ACYP2: variants seen among roughly 807,000 people sequenced by gnomAD.
ACYP2 encodes the protein acylphosphatase-2.
In ACYP2, 12 loss-of-function variants were observed where a neutral mutation model predicts 11.2. The ratio of observed to expected loss-of-function variants is 1.08; its 90% CI spans 0.69 to 1.74. The LOEUF (loss-of-function observed/expected upper bound fraction) is 1.74, where lower values mean the gene tolerates loss of function less well. ACYP2 is among the 40% of genes most tolerant of loss of function. ACYP2 has a pLI of 0.00. For synonymous variants in ACYP2, 43 were observed against 32.2 expected (o/e 1.33, Z -1.13); for missense variants, 134 against 101.9 (o/e 1.31, Z -1.35).
At chr2:54,242,392 T>A (rs1253477233) in intron 6 of ACYP2, among the ~76,000 whole-genome samples, 2 of 152,244 alleles carry the variant, frequency 1.3e-5, no homozygotes, top group Non-Finnish European at 2.9e-5. Flanking sequence ...CACCTTGTCA[T>A]TGTGGTTATT....
intron 6 of ACYP2, among the ~76,000 whole-genome samples, chr2:54,251,197 C>T (rs987477029): frequency 3.9e-5 from 6 of 152,182 alleles, no homozygotes; most frequent in African/African-American, 1.4e-4. Flanking sequence ...CTAGATAATT[C>T]AGTGTTTCTA....
intron 4 of ACYP2, among the ~76,000 whole-genome samples, chr2:54,063,616 C>T (rs1676581464): frequency 6.6e-6 from 1 of 152,224 alleles, no homozygotes; most frequent in South Asian, 2.1e-4. Flanking sequence ...CTGAAGGCCA[C>T]AGCTATTCTT....
At chr2:54,097,586 A>G (rs1678658647) in intron 4 of ACYP2, among the ~76,000 whole-genome samples, 1 of 152,094 alleles carries the variant, frequency 6.6e-6, no homozygotes, top group African/African-American at 2.4e-5. Context: ...TTTCAAGCAT[A>G]CATGAAAGGA....
chr2:54,093,281 T>G (rs942734963), intron 4 of ACYP2, among the ~76,000 whole-genome samples: 3 of 152,100 alleles, frequency 2.0e-5, no homozygotes, highest in Admixed American at 2.0e-4. Flanking sequence ...TTCTCTAGAG[T>G]TACACAGACA....
At chr2:54,130,376 G>A (rs1176148607) in intron 4 of ACYP2, among the ~76,000 whole-genome samples, 2 of 152,162 alleles carry the variant, frequency 1.3e-5, no homozygotes, top group African/African-American at 2.4e-5. Flanking sequence ...GAGTAAAGAG[G>A]AGAGAAGTAG....
rs543236804 is a variant in ACYP2, at chr2:54,285,361, G to A, written c.405-19327G>A. ...GCTCCATCTTCTCAGCCTATTCTGT[G>A]GGATGCTCCTCTTGCTGACCACTTC... On this transcript the variant is annotated intron_variant, in intron 6 of 6. Coordinates refer to ENST00000607452, the MANE Select transcript of ACYP2 (RefSeq NM_001320586.2). Among the ~76,000 whole-genome samples the A allele has an allele frequency of 3.9e-5, 6 of 152,260 alleles. 1 individual carries two copies. Among genetic ancestry groups the A allele is most frequent in the African/African-American group, 1.4e-4 (6 of 41,556 alleles).
chr2:54,020,254 T>C (rs994301216), intron 2 of ACYP2, among the ~76,000 whole-genome samples: 3 of 152,216 alleles, frequency 2.0e-5, no homozygotes, highest in Non-Finnish European at 2.9e-5. Flanking sequence ...TGCTTCTTAA[T>C]CAGAATACAG....
chr2:54,280,533 CA>C (rs1257573099), intron 6 of ACYP2, among the ~76,000 whole-genome samples: 1 of 151,946 alleles, frequency 6.6e-6, no homozygotes, highest in Non-Finnish European at 1.5e-5. Flanking sequence ...TAGAGATCAC[CA>C]AAAGGATTGA....
intron 6 of ACYP2, among the ~76,000 whole-genome samples, chr2:54,143,994 A>T (rs554723783): frequency 6.6e-6 from 1 of 151,642 alleles, no homozygotes; most frequent in Admixed American, 6.6e-5. Context: ...TTTTGAGAAA[A>T]CGTTTTGCTC....
chr2:54,272,925 A>G (rs1339926684), intron 6 of ACYP2, among the ~76,000 whole-genome samples: 1 of 152,262 alleles, frequency 6.6e-6, no homozygotes, highest in East Asian at 1.9e-4. Flanking sequence ...GGAAGCTTCT[A>G]TAAAGACTGT....
At chr2:54,270,395 A>C (rs112295483) in intron 6 of ACYP2, among the ~76,000 whole-genome samples, 1 of 152,170 alleles carries the variant, frequency 6.6e-6, no homozygotes, top group Non-Finnish European at 1.5e-5. Context: ...CATAAGTGCT[A>C]ATTTAAATTA....
intron 6 of ACYP2, among the ~76,000 whole-genome samples, chr2:54,245,145 G>A (rs1236834315): frequency 3.3e-5 from 5 of 151,838 alleles, no homozygotes; most frequent in Non-Finnish European, 5.9e-5. Flanking sequence ...TTAACTTTCT[G>A]TTCCTGGCTA....
chr2:54,257,592 A>G (rs1333688730), intron 6 of ACYP2, among the ~76,000 whole-genome samples: 2 of 152,230 alleles, frequency 1.3e-5, no homozygotes, highest in African/African-American at 4.8e-5. Flanking sequence ...GCCAAAGGAC[A>G]TAGAGAAAAG....
At chr2:54,239,693 C>T (rs1245109441) in intron 6 of ACYP2, among the ~76,000 whole-genome samples, 4 of 152,136 alleles carry the variant, frequency 2.6e-5, no homozygotes, top group Non-Finnish European at 5.9e-5. Context: ...AAGGGCACAG[C>T]ATCATCACAG....
intron 4 of ACYP2, among the ~76,000 whole-genome samples, chr2:54,074,399 A>C (rs1677217446): frequency 6.6e-6 from 1 of 152,160 alleles, no homozygotes; most frequent in Non-Finnish European, 1.5e-5. Flanking sequence ...GGAGTTCGAG[A>C]CCAACCTGGA....
chr2:54,084,362 T>C (rs1013840606), intron 4 of ACYP2, among the ~76,000 whole-genome samples: 1 of 152,218 alleles, frequency 6.6e-6, no homozygotes, highest in Non-Finnish European at 1.5e-5. Context: ...TGGAGCCATC[T>C]TGGCTCACTG....
chr2:54,150,988 A>C (rs545454692), intron 6 of ACYP2, among the ~76,000 whole-genome samples: 1 of 151,768 alleles, frequency 6.6e-6, no homozygotes, highest in Non-Finnish European at 1.5e-5. Flanking sequence ...TGATCCGCCC[A>C]CCTCGGCCTC....
chr2:54,141,963 G>A, intron 6 of ACYP2: 1 of 555,358 alleles, frequency 1.8e-6, no homozygotes, highest in Non-Finnish European at 3.3e-6. Context: ...TCAACCTCCT[G>A]AGTGCACATG....
At chr2:54,204,298 A>AC (rs556747770) in intron 6 of ACYP2, among the ~76,000 whole-genome samples, 1 of 146,704 alleles carries the variant, frequency 6.8e-6, no homozygotes, top group African/African-American at 2.5e-5. Flanking sequence ...CGGCCATGGG[A>AC]TTTTTTTTTT....
Sources: gnomAD v4.1 joint callset for allele counts (sites outside exome capture counted in the v4.1 genomes callset) on GRCh38, gnomAD v4.1.1 for gene constraint, MANE v1.5 for transcripts, NCBI Gene and HGNC (gene_info 2026-07-23, HGNC 2026-07-21) for gene names.